The following TTC7A variants were observed in gnomAD, a reference collection of about 807,000 sequenced individuals.
TTC7A encodes tetratricopeptide repeat protein 7A.
TTC7A carries 110 observed loss-of-function variants against 103.7 expected under a neutral mutation model. That is an observed-to-expected ratio of 1.06 (90% CI 0.91 to 1.24). TTC7A has a LOEUF of 1.24. Ranked by LOEUF, TTC7A falls within the 50% of genes most tolerant of loss-of-function variation. The pLI is 0.00. For synonymous variants in TTC7A, 521 were observed against 467.9 expected (o/e 1.11, Z -1.47); for missense variants, 1,340 against 1,116.3 (o/e 1.20, Z -2.86).
intron 3 of TTC7A, among the ~76,000 whole-genome samples, chr2:46,965,358 G>T (rs1449361246): frequency 6.6e-6 from 1 of 152,176 alleles, no homozygotes; most frequent in Non-Finnish European, 1.5e-5. Context: ...CTCTCCAAGG[G>T]GTGTGGGCTG....
At chr2:47,071,611 G>A (rs1226821684) in intron 19 of TTC7A, among the ~76,000 whole-genome samples, 1 of 152,160 alleles carries the variant, frequency 6.6e-6, no homozygotes, top group Non-Finnish European at 1.5e-5. Flanking sequence ...ATTTGCCCGT[G>A]GTCACAGCAC....
chr2:47,072,927 C>G (rs1288694685), intron 19 of TTC7A, among the ~76,000 whole-genome samples: 2 of 152,218 alleles, frequency 1.3e-5, no homozygotes, highest in Non-Finnish European at 2.9e-5. Context: ...CTTCTTATGA[C>G]TATTCCTGTT....
At chr2:46,954,728 C>T (rs1490563230) in intron 2 of TTC7A, among the ~76,000 whole-genome samples, 1 of 151,976 alleles carries the variant, frequency 6.6e-6, no homozygotes, top group African/African-American at 2.4e-5. Flanking sequence ...CCCACCACCA[C>T]GCCCGGATAA....
intron 15 of TTC7A, among the ~76,000 whole-genome samples, chr2:47,032,289 C>A (rs1249124556): frequency 2.6e-5 from 4 of 152,192 alleles, no homozygotes; most frequent in African/African-American, 9.7e-5. Context: ...GGGAGCCCGA[C>A]CTCAAAAAGG....
chr2:46,974,085 A>C (rs550756854), intron 3 of TTC7A, among the ~76,000 whole-genome samples: 1 of 152,326 alleles, frequency 6.6e-6, no homozygotes, highest in African/African-American at 2.4e-5. Context: ...GGGGCCACCA[A>C]AATTGTAACT....
intron 2 of TTC7A, 187 bp from the exon 3 acceptor site, chr2:46,956,652 T>C: frequency 1.6e-6 from 1 of 620,688 alleles, no homozygotes; most frequent in Non-Finnish European, 2.9e-6. Context: ...AGAACCACAA[T>C]GTAGGCTGCA....
Position 46,957,019 on chromosome 2 carries a change from C to T in TTC7A, c.517+12C>T. ...TTTTGTCATCAAAGGTAGCTGTGGG[C>T]ACCAGCCTGGGCTCCCCTCCACTGT... On this transcript the variant is annotated intron_variant, in intron 3 of 19. Transcript: ENST00000319190. 1 of 1,614,008 alleles carries T rather than the reference C, an allele frequency of 6.2e-7. No homozygotes were observed. The highest frequency in any genetic ancestry group is 8.5e-7 in the Non-Finnish European group (1 of 1,179,932).
At chr2:46,987,809 C>A (rs6727461) in intron 5 of TTC7A, among the ~76,000 whole-genome samples, 8 of 144,546 alleles carry the variant, frequency 5.5e-5, no homozygotes, top group African/African-American at 2.1e-4. Context: ...CCTTTCCGCG[C>A]GTGTGTGTGT....
intron 5 of TTC7A, among the ~76,000 whole-genome samples, chr2:46,986,969 A>G (rs959502569): frequency 6.6e-6 from 1 of 152,140 alleles, no homozygotes; most frequent in Non-Finnish European, 1.5e-5. Context: ...TGTCTGAGGG[A>G]TGTTAATTTC....
chr2:47,048,006 T>C (rs1336358064), intron 16 of TTC7A, among the ~76,000 whole-genome samples: 1 of 152,198 alleles, frequency 6.6e-6, no homozygotes, highest in Non-Finnish European at 1.5e-5. Flanking sequence ...GACCACAGCC[T>C]GCAGGTCTGG....
chr2:47,074,609 T>A lies in TTC7A; in HGVS notation c.*686T>A, dbSNP rs1197278916. 2 of 152,720 alleles carry A rather than the reference T, an allele frequency of 1.3e-5. No individual in the cohort carries two copies. The highest frequency in any genetic ancestry group is 2.9e-5 in the Non-Finnish European group (2 of 68,230). 9.5% of individuals were successfully genotyped at this position (152,720 alleles called of 1,614,324 possible). On this transcript the variant is annotated 3_prime_UTR_variant, in exon 20 of 20. Coordinates refer to ENST00000319190, the MANE Select transcript of TTC7A (RefSeq NM_020458.4). ...GGCTTTAGATCCTGTGGTTGCTAGA[T>A]CCAGTCCTTTCTAATACCCTGAGTC...
intron 1 of TTC7A, among the ~76,000 whole-genome samples, chr2:46,944,550 C>T (rs1275535260): frequency 1.3e-5 from 2 of 152,032 alleles, no homozygotes; most frequent in Admixed American, 1.3e-4. Context: ...GATCCCATCT[C>T]TACCCCCTAC....
At chr2:46,915,923 G>C (rs1391213185), upstream of TTC7A, 18 of 985,082 alleles carry the variant, frequency 1.8e-5, no homozygotes, top group Non-Finnish European at 2.2e-5. Context: ...CGGCTCGCGT[G>C]AGTCCACGTG....
At position 46,975,002 on chromosome 2, in the gene TTC7A, A is replaced by G. The variant is rs1673731207; in HGVS notation, c.547A>G (p.Ile183Val). The change falls in exon 4 of 20, where the codon ATC becomes GTC. Residue 183 changes from isoleucine to valine, a missense_variant. Ile to Val is a conservative substitution (Grantham distance 29). Coordinates refer to ENST00000319190, the MANE Select transcript of TTC7A (RefSeq NM_020458.4). ...CTCTCTGGAACGCCTACCCAACTCC[A>G]TCGCCTCCCGCTTCCGCCTGACAGA... ...GLSLERLPNS[I>V]ASRFRLTERE... 6.8e-6 allele frequency: 11 copies of G among 1,613,854 alleles called. No individual in the cohort carries two copies. The highest frequency in any genetic ancestry group is 8.5e-6 in the Non-Finnish European group (10 of 1,179,866).
rs937659956 is a variant in TTC7A, at chr2:47,074,466, C to T, written c.*543C>T. The T allele has an allele frequency of 8.8e-6, 1 of 113,022 alleles. No individual in the cohort carries two copies. Among genetic ancestry groups the T allele is most frequent in the Admixed American group, 9.3e-5 (1 of 10,776 alleles). 7.0% of individuals were successfully genotyped at this position (113,022 alleles called of 1,614,324 possible). ...CAGCTGGGCCCCACCTTGCTCTTTC[C>T]CCCTGCTACCAAGTGCCTTTGGGGT... On this transcript the variant is annotated 3_prime_UTR_variant, in exon 20 of 20. Transcript: ENST00000319190.
rs546136371 is a variant in TTC7A, at chr2:47,055,114, C to A, written c.2152+3234C>A. ...AATGATCTCCCTAAACCGCCTCCCC[C>A]ACCTGACCCAGGCTAAGAATACAAT... On this transcript the variant is annotated intron_variant, in intron 18 of 19. Coordinates refer to ENST00000319190, the MANE Select transcript of TTC7A (RefSeq NM_020458.4). Among the ~76,000 whole-genome samples the A allele has an allele frequency of 3.5e-4, 54 of 152,238 alleles. No individual in the cohort carries two copies. The South Asian group carries it at 0.011, about 30-fold the overall frequency.
intron 19 of TTC7A, among the ~76,000 whole-genome samples, chr2:47,072,780 C>T (rs1330741433): frequency 2.1e-5 from 3 of 146,074 alleles, no homozygotes; most frequent in African/African-American, 2.6e-5. Context: ...CGGCATGAAG[C>T]AACCTTTGTG....
At chr2:47,024,611 A>C (rs1329067465) in intron 14 of TTC7A, among the ~76,000 whole-genome samples, 1 of 152,070 alleles carries the variant, frequency 6.6e-6, no homozygotes, top group Non-Finnish European at 1.5e-5. Context: ...ACAACATTTC[A>C]GTGGACTGAG....
chr2:47,030,511 C>T (rs1356248459), intron 15 of TTC7A, among the ~76,000 whole-genome samples: 4 of 152,186 alleles, frequency 2.6e-5, no homozygotes, highest in African/African-American at 9.6e-5. Flanking sequence ...TGGCTTCCTT[C>T]TCCCCAAAGC....
Sources: allele counts gnomAD v4.1 joint callset (sites outside exome capture counted in the v4.1 genomes callset), GRCh38; gene constraint gnomAD v4.1.1; transcripts MANE v1.5; gene names NCBI Gene and HGNC (gene_info 2026-07-23, HGNC 2026-07-21).